CACHD1: variants seen among roughly 807,000 people sequenced by gnomAD.
CACHD1 encodes the protein VWFA and cache domain-containing protein 1.
In CACHD1, 71 loss-of-function variants were observed where a neutral mutation model predicts 138.7. That is an observed-to-expected ratio of 0.51 (90% CI 0.42 to 0.62). The LOEUF is 0.62. Ranked by LOEUF, CACHD1 falls within the 20% of genes least tolerant of loss-of-function variation. The pLI, the probability that CACHD1 is intolerant of heterozygous loss-of-function variation, is 0.00. For missense variants in CACHD1, 1,389 were observed against 1,625.3 expected, an observed-to-expected ratio of 0.85 and a Z score of 2.50; for synonymous variants, 578 against 591.5, an observed-to-expected ratio of 0.98 and a Z score of 0.33.
At chr1:64,512,998 A>G (rs1646433942) in intron 1 of CACHD1, among the ~76,000 whole-genome samples, 1 of 152,072 alleles carries the variant, frequency 6.6e-6, no homozygotes, top group South Asian at 2.1e-4. Flanking sequence ...TCCATTCTCC[A>G]TTTCTATTGT....
At chr1:64,683,023 C>T (rs1650242485) in intron 26 of CACHD1, among the ~76,000 whole-genome samples, 1 of 151,394 alleles carries the variant, frequency 6.6e-6, no homozygotes, top group African/African-American at 2.4e-5. Flanking sequence ...TTTTCCACAC[C>T]TATCCTGGAA....
chr1:64,493,917 A>G (rs1235449421), intron 1 of CACHD1, among the ~76,000 whole-genome samples: 1 of 152,196 alleles, frequency 6.6e-6, no homozygotes, highest in Non-Finnish European at 1.5e-5. Flanking sequence ...GCTTTGTGGA[A>G]GGGAGCCTTT....
At chr1:64,522,315 T>TG (rs1412938690) in intron 1 of CACHD1, among the ~76,000 whole-genome samples, 1 of 151,434 alleles carries the variant, frequency 6.6e-6, no homozygotes, top group African/African-American at 2.4e-5. Flanking sequence ...CACATTTTTT[T>TG]TTTGTTTTTT....
intron 3 of CACHD1, among the ~76,000 whole-genome samples, chr1:64,587,528 C>G (rs1647060020): frequency 6.6e-6 from 1 of 152,096 alleles, no homozygotes; most frequent in Admixed American, 6.5e-5. Context: ...GCACAGGAGC[C>G]TTAGAAGTTA....
At chr1:64,564,751 CTAG>C (rs1646868414) in intron 2 of CACHD1, among the ~76,000 whole-genome samples, 1 of 152,142 alleles carries the variant, frequency 6.6e-6, no homozygotes, top group Non-Finnish European at 1.5e-5. Context: ...CTGGAAGGAG[CTAG>C]TAGAAGCTTT....
chr1:64,546,340 C>CTTT (rs35048029), intron 1 of CACHD1, among the ~76,000 whole-genome samples: 1 of 146,154 alleles, frequency 6.8e-6, no homozygotes, highest in African/African-American at 2.5e-5. Context: ...TTTTCGTTTA[C>CTTT]TTTTTTTTTT....
intron 17 of CACHD1, 138 bp downstream of exon 17, chr1:64,671,824 G>T (rs1649826976): frequency 9.4e-7 from 1 of 1,058,728 alleles, no homozygotes; most frequent in Non-Finnish European, 1.4e-6. Flanking sequence ...CTATTAAGAA[G>T]GTTTTTGTTC....
At chr1:64,610,008 C>G (rs1412331184) in intron 4 of CACHD1, among the ~76,000 whole-genome samples, 5 of 152,126 alleles carry the variant, frequency 3.3e-5, no homozygotes, top group African/African-American at 1.2e-4. Flanking sequence ...GCAAACATGT[C>G]CTTCTTCACA....
intron 23 of CACHD1, among the ~76,000 whole-genome samples, chr1:64,679,108 A>G (rs745487718): frequency 1.3e-5 from 2 of 152,190 alleles, no homozygotes; most frequent in Non-Finnish European, 2.9e-5. Context: ...ATCACTTTCT[A>G]TGCTCACCTG....
At chr1:64,611,322 A>G (rs1377537978) in intron 4 of CACHD1, among the ~76,000 whole-genome samples, 6 of 152,178 alleles carry the variant, frequency 3.9e-5, no homozygotes, top group African/African-American at 1.4e-4. Flanking sequence ...TCTCCCCAGG[A>G]AATGGGTTTT....
chr1:64,651,685 G>A (rs1253108698), intron 9 of CACHD1, among the ~76,000 whole-genome samples: 2 of 152,250 alleles, frequency 1.3e-5, no homozygotes, highest in South Asian at 4.1e-4. Flanking sequence ...ATTAACAGAT[G>A]TGTGAACCAA....
chr1:64,576,240 T>C (rs959619521), intron 2 of CACHD1, among the ~76,000 whole-genome samples: 5 of 152,200 alleles, frequency 3.3e-5, no homozygotes, highest in Non-Finnish European at 5.9e-5. Flanking sequence ...CTGAGGAGGA[T>C]TGTGGGTCCA....
intron 1 of CACHD1, among the ~76,000 whole-genome samples, chr1:64,484,602 C>T (rs543119506): frequency 3.3e-5 from 5 of 152,212 alleles, no homozygotes; most frequent in African/African-American, 1.2e-4. Flanking sequence ...TTTTCATCTT[C>T]CCAAACTCTG....
chr1:64,688,379 G>A (rs1426872477), intron 26 of CACHD1, among the ~76,000 whole-genome samples: 1 of 152,152 alleles, frequency 6.6e-6, no homozygotes, highest in African/African-American at 2.4e-5. Flanking sequence ...TGCTAAAGCT[G>A]AGAAACCTAT....
At chr1:64,614,892 T>C (rs1647658071) in intron 4 of CACHD1, among the ~76,000 whole-genome samples, 1 of 152,124 alleles carries the variant, frequency 6.6e-6, no homozygotes, top group Admixed American at 6.6e-5. Context: ...TCCCTCTTTT[T>C]CCACACATCC....
At chr1:64,637,850 G>A (rs1191066393) in intron 7 of CACHD1, among the ~76,000 whole-genome samples, 1 of 152,218 alleles carries the variant, frequency 6.6e-6, no homozygotes, top group Non-Finnish European at 1.5e-5. Context: ...TTAAGGAGCA[G>A]TCCCAGGGTA....
chr1:64,627,333 G>T (rs1425666520), intron 4 of CACHD1, among the ~76,000 whole-genome samples: 3 of 152,160 alleles, frequency 2.0e-5, no homozygotes, highest in Admixed American at 6.6e-5. Flanking sequence ...CTTGAGCCCA[G>T]GAGATCAAGG....
Position 64,634,210 on chromosome 1 carries a change from A to G in CACHD1, c.956A>G (p.Lys319Arg). Residue 319 changes from lysine (K) to arginine (R), a missense_variant, in exon 7 of 27, where the codon AAG becomes AGG. This residue lies in a region of CACHD1 where 1,000 missense variants were observed against 1,114.7 expected (regional missense o/e 0.90). Coordinates refer to ENST00000651257, the MANE Select transcript of CACHD1 (RefSeq NM_020925.4). ...SPTQHAVGFQ[K>R]AFQLIRSTNN... ...ACCCAGCACGCAGTGGGATTCCAAA[A>G]GGCATTTCAGCTGATTCGAAGTACA... 2 of 1,613,978 alleles carry G rather than the reference A, an allele frequency of 1.2e-6. No individual in the cohort carries two copies. The highest frequency in any genetic ancestry group is 1.7e-6 in the Non-Finnish European group (2 of 1,179,988).
intron 26 of CACHD1, among the ~76,000 whole-genome samples, chr1:64,687,976 CAGA>C (rs778975589): frequency 6.6e-6 from 1 of 151,774 alleles, no homozygotes; most frequent in Non-Finnish European, 1.5e-5. Flanking sequence ...TGTAAAATCA[CAGA>C]AGGAGCACCA....
Sources: gnomAD v4.1 joint callset for allele counts (sites outside exome capture counted in the v4.1 genomes callset) on GRCh38, gnomAD v4.1.1 for gene constraint, gnomAD v4.1.1 regional missense constraint, MANE v1.5 for transcripts, NCBI Gene and HGNC (gene_info 2026-07-23, HGNC 2026-07-21) for gene names.